Variants in AKAP11 observed in about 807,000 individuals in gnomAD.
AKAP11 encodes A-kinase anchor protein 11.
In AKAP11, 36 loss-of-function variants were observed where a neutral mutation model predicts 146.1. That is an observed-to-expected ratio of 0.25 (90% confidence interval 0.19 to 0.33). The LOEUF is 0.33. AKAP11 is among the 10% of genes least tolerant of loss of function. The pLI is 1.00. For missense variants in AKAP11, 2,201 were observed against 2,197.0 expected, an observed-to-expected ratio of 1.00 and a Z score of -0.04; for synonymous variants, 780 against 786.5, an observed-to-expected ratio of 0.99 and a Z score of 0.14.
Position 42,303,832 on chromosome 13 carries a change from G to A in AKAP11, c.5086G>A (p.Ala1696Thr). ...ESLATETMTA[A>T]VTNVGHAVSS... is the part of the protein sequence containing the mutation. ...CCTTGCCACAGAAACCATGACAGCA[G>A]CTGTCACAAATGTTGGGCATGCTGT... Residue 1696 changes from alanine (A) to threonine (T), a missense_variant, in exon 8 of 13, where the codon GCT becomes ACT. By Grantham distance (58) the Ala-to-Thr change is moderately conservative. Coordinates refer to ENST00000025301, the MANE Select transcript of AKAP11 (RefSeq NM_016248.4). The A allele has an allele frequency of 1.3e-6, 2 of 1,592,660 alleles. No homozygotes were observed. Among genetic ancestry groups the A allele is most frequent in the African/African-American group, 1.3e-5 (1 of 74,152 alleles).
chr13:42,313,984 A>G (rs1960692215), intron 11 of AKAP11, 44 bp downstream of exon 11: 1 of 1,597,864 alleles, frequency 6.3e-7, no homozygotes, highest in African/African-American at 1.3e-5. Flanking sequence ...TGTTTTGTAT[A>G]AGGTTTCCTA....
intron 8 of AKAP11, among the ~76,000 whole-genome samples, chr13:42,304,204 A>C (rs1300529546): frequency 6.6e-6 from 1 of 152,228 alleles, no homozygotes; most frequent in Admixed American, 6.5e-5. Context: ...CCTTATTCTC[A>C]ATTTTGCTTT....
At chr13:42,307,474 A>C (rs967041706) in intron 8 of AKAP11, among the ~76,000 whole-genome samples, 8 of 152,250 alleles carry the variant, frequency 5.3e-5, no homozygotes, top group African/African-American at 1.9e-4. Flanking sequence ...GGCGGTGGCC[A>C]TTAGGGCTGG....
intron 12 of AKAP11, among the ~76,000 whole-genome samples, chr13:42,318,272 G>C (rs1307018875): frequency 6.6e-6 from 1 of 152,120 alleles, no homozygotes; most frequent in African/African-American, 2.4e-5. Flanking sequence ...TTCCTTTTGG[G>C]GTGGTAGAAA....
intron 1 of AKAP11, among the ~76,000 whole-genome samples, chr13:42,274,845 T>G (rs1458154205): frequency 6.6e-6 from 1 of 152,254 alleles, no homozygotes; most frequent in Non-Finnish European, 1.5e-5. Flanking sequence ...GGATGTTACT[T>G]GACTGAAAAT....
chr13:42,301,975 C>A lies in AKAP11; in HGVS notation c.3229C>A (p.Leu1077Ile), dbSNP rs868787925. ...TTCACATACTTTCTCATCTACAGCA[C>A]TTACCTGTGTAGATGGTTTGCATGT... ...PHSHTFSSTA[L>I]TCVDGLHVED... Residue 1077 changes from leucine (L) to isoleucine (I), a missense_variant, in exon 8 of 13, where the codon CTT (leucine) becomes ATT (isoleucine). This residue lies in a region of AKAP11 where 1,867 missense variants were observed against 1,833.5 expected (regional missense o/e 1.02). Coordinates refer to ENST00000025301, the MANE Select transcript of AKAP11 (RefSeq NM_016248.4). 1.2e-6 allele frequency: 2 copies of A among 1,613,992 alleles called. No homozygotes were observed. The highest frequency in any genetic ancestry group is 1.7e-6 in the Non-Finnish European group (2 of 1,179,982).
Position 42,317,581 on chromosome 13 carries a change from T to G in AKAP11, c.5458T>G (p.Cys1820Gly). Reference protein sequence around the residue: ...LLITNIDMEPCTVDPQLRIIL... With the variant: ...LLITNIDMEPGTVDPQLRIIL... ...AATTACGAATATTGACATGGAGCCA[T>G]GCACGGTAGACCCCCAGCTAAGGAT... is the stretch of plus-strand genomic sequence containing the variant. Residue 1820 changes from cysteine (C) to glycine (G), a missense_variant, in exon 12 of 13, where the codon TGC becomes GGC. Cys to Gly is a radical substitution (Grantham distance 159). This residue lies in a region of AKAP11 where 1,867 missense variants were observed against 1,833.5 expected (regional missense o/e 1.02). Transcript: ENST00000025301. The G allele has an allele frequency of 1.2e-6, 2 of 1,614,182 alleles. No homozygotes were observed. Among genetic ancestry groups the G allele is most frequent in the Non-Finnish European group, 1.7e-6 (2 of 1,180,002 alleles).
chr13:42,278,840 T>C (rs1332081249), intron 1 of AKAP11, among the ~76,000 whole-genome samples: 3 of 152,326 alleles, frequency 2.0e-5, no homozygotes, highest in African/African-American at 7.2e-5. Context: ...GGTCAACTGG[T>C]GGTGAATTTT....
At chr13:42,279,124 T>A (rs1161979796) in intron 1 of AKAP11, among the ~76,000 whole-genome samples, 2 of 152,216 alleles carry the variant, frequency 1.3e-5, no homozygotes, top group African/African-American at 4.8e-5. Context: ...GCTTTCTTTA[T>A]GTTTATTCTT....
In AKAP11 at chr13:42,299,417, C is replaced by T; in HGVS notation, c.671C>T (p.Thr224Ile). 6.2e-7 allele frequency: 1 copy of T among 1,613,828 alleles called. No homozygotes were observed. The highest frequency in any genetic ancestry group is 8.5e-7 in the Non-Finnish European group (1 of 1,179,808). ...SQCDAASQTV[T>I]GHHLETHDLK... The stretch of plus-strand genomic sequence containing the variant: ...TGTGATGCTGCTTCCCAGACGGTTA[C>T]TGGTCATCATTTAGAAACCCATGAT... Residue 224 changes from threonine to isoleucine, a missense_variant, in exon 8 of 13, where the codon ACT becomes ATT. Thr to Ile is a moderately conservative substitution (Grantham distance 89, BLOSUM62 -1). Around this residue, in one of 3 missense-constraint regions of AKAP11, gnomAD observed 331 missense variants for 347.4 expected, o/e 0.95. Transcript: ENST00000025301.
intron 9 of AKAP11, among the ~76,000 whole-genome samples, chr13:42,311,121 A>T (rs1024548613): frequency 6.6e-6 from 1 of 152,188 alleles, no homozygotes; most frequent in Non-Finnish European, 1.5e-5. Flanking sequence ...AATGTTTCAG[A>T]TAATTTTTAT....
At chr13:42,271,904 T>C (rs568315028), upstream of AKAP11, among the ~76,000 whole-genome samples, 207 of 151,562 alleles carry the variant, frequency 1.4e-3, no homozygotes, top group Admixed American at 2.6e-3. Flanking sequence ...GTGGGAAGGC[T>C]TTTTTTCCTG....
rs745494935 is a variant in AKAP11 at position 42,301,136 on chromosome 13, C to T, written c.2390C>T (p.Thr797Ile). 22 of 1,614,122 alleles carry T rather than the reference C, an allele frequency of 1.4e-5. No homozygotes were observed. The South Asian group carries it at 2.4e-4, about 18-fold the overall frequency. ...SALLPYHISS[T>I]ACQAKAHLSS... ...CTTCTCCCATATCATATTTCATCTA[C>T]TGCATGTCAGGCCAAGGCTCATCTG... Residue 797 changes from threonine to isoleucine, a missense_variant, in exon 8 of 13, where the codon ACT becomes ATT. This residue lies in a region of AKAP11 where 1,867 missense variants were observed against 1,833.5 expected (regional missense o/e 1.02). Transcript: ENST00000025301.
At chr13:42,277,099 A>T (rs1425336864) in intron 1 of AKAP11, among the ~76,000 whole-genome samples, 1 of 152,240 alleles carries the variant, frequency 6.6e-6, no homozygotes, top group Non-Finnish European at 1.5e-5. Flanking sequence ...TAGCATTTTA[A>T]TTATAGCATA....
chr13:42,277,158 C>T (rs1444560266), intron 1 of AKAP11, among the ~76,000 whole-genome samples: 1 of 152,098 alleles, frequency 6.6e-6, no homozygotes, highest in African/African-American at 2.4e-5. Flanking sequence ...TATTATAAAT[C>T]AGTTGTTGAA....
chr13:42,302,076 G>C lies in AKAP11; in HGVS notation c.3330G>C (p.Arg1110=). ...TPPSTPLVPS[R]ASSEWDIKKL... is the part of the protein sequence containing the mutation. Reference sequence around the variant, plus strand: ...CATCAACTCCTCTAGTACCATCCCGGGCTAGTTCTGAATGGGATATCAAGA... The same window carrying C: ...CATCAACTCCTCTAGTACCATCCCGCGCTAGTTCTGAATGGGATATCAAGA... Residue 1110 remains arginine, a synonymous_variant, in exon 8 of 13, where the codon CGG becomes CGC. Transcript: ENST00000025301. 1.9e-6 allele frequency: 3 copies of C among 1,614,040 alleles called. No homozygotes were observed.
chr13:42,288,749 A>G (rs1014599039), intron 3 of AKAP11, among the ~76,000 whole-genome samples: 2 of 152,130 alleles, frequency 1.3e-5, no homozygotes, highest in Non-Finnish European at 2.9e-5. Flanking sequence ...CAATTCTGAC[A>G]TCTTGAATAG....
rs115024173 is a variant in AKAP11 at position 42,286,941 on chromosome 13, G to T, written c.51+542G>T. Among the ~76,000 whole-genome samples, 1,014 of 152,328 alleles carry T rather than the reference G, an allele frequency of 6.7e-3. 13 individuals are homozygous for T. Among genetic ancestry groups the T allele is most frequent in the African/African-American group, 0.023 (954 of 41,574 alleles). Reference sequence around the variant, plus strand: ...CACTACCCATGAACAAAGAAGGGAAGAATGGAGCCTGGAAGATAATTAACA... The same window carrying T: ...CACTACCCATGAACAAAGAAGGGAATAATGGAGCCTGGAAGATAATTAACA... On this transcript the variant is annotated intron_variant, in intron 3 of 12. Coordinates refer to ENST00000025301, the MANE Select transcript of AKAP11 (RefSeq NM_016248.4).
intron 11 of AKAP11, among the ~76,000 whole-genome samples, chr13:42,316,990 G>T (rs1313143520): frequency 1.3e-5 from 2 of 152,072 alleles, no homozygotes; most frequent in Non-Finnish European, 1.5e-5. Flanking sequence ...CGATTCTTGT[G>T]CCACAGCCTC....
Sources: gnomAD v4.1 joint callset for allele counts (sites outside exome capture counted in the v4.1 genomes callset) on GRCh38, gnomAD v4.1.1 for gene constraint, gnomAD v4.1.1 regional missense constraint, MANE v1.5 for transcripts, NCBI Gene and HGNC (gene_info 2026-07-23, HGNC 2026-07-21) for gene names.